The following SEC61A2 variants were observed in gnomAD, a reference collection of about 807,000 sequenced individuals.
SEC61A2 encodes SEC61 translocon subunit alpha 2.
In SEC61A2, 28 loss-of-function variants were observed where a neutral mutation model predicts 59.9. The observed-to-expected ratio is 0.47, with a 90% CI of 0.35 to 0.64. The LOEUF (loss-of-function observed/expected upper bound fraction) is 0.64, where lower values mean the gene tolerates loss of function less well. SEC61A2 is among the 30% of genes least tolerant of loss of function. SEC61A2 has a pLI of 0.01. For synonymous variants in SEC61A2, 202 were observed against 214.4 expected (o/e 0.94, Z 0.50); for missense variants, 340 against 585.9 (o/e 0.58, Z 4.33).
At chr10:12,151,010 C>CAG (rs1834259151) in intron 6 of SEC61A2, among the ~76,000 whole-genome samples, 1 of 151,728 alleles carries the variant, frequency 6.6e-6, no homozygotes, top group Non-Finnish European at 1.5e-5. Context: ...CTCCTGACCT[C>CAG]GTGATTCGCC....
chr10:12,147,939 C>CTT lies in SEC61A2; in HGVS notation c.221-1642_221-1641dup, dbSNP rs775693567. 2.6e-3 allele frequency among the ~76,000 whole-genome samples: 376 copies of CTT among 142,372 alleles called. 2 individuals carry two copies. The highest frequency in any genetic ancestry group is 8.9e-3 in the African/African-American group (348 of 39,110). The allele number at this position is 142,372 out of a possible 152,430, so 93.4% of individuals were successfully genotyped here. A position where few individuals can be genotyped will look rare whatever the true frequency, so the allele number is the denominator to read the frequency against. On this transcript the variant is annotated intron_variant, in intron 4 of 11. Coordinates refer to ENST00000298428, the MANE Select transcript of SEC61A2 (RefSeq NM_018144.4). Reference sequence around the variant, plus strand: ...CTAACTTAAGAAATCTATCTAATATCTTTTTTTTTTTTTTTGAGACAGAGT... The same window carrying CTT: ...CTAACTTAAGAAATCTATCTAATATCTTTTTTTTTTTTTTTTTGAGACAGAGT...
chr10:12,158,133 T>A lies in SEC61A2; in HGVS notation c.975+28T>A. 1 of 1,501,122 alleles carries A rather than the reference T, an allele frequency of 6.7e-7. No individual in the cohort carries two copies. The highest frequency in any genetic ancestry group is 1.2e-5 in the South Asian group (1 of 85,694). 93.0% of individuals were successfully genotyped at this position (1,501,122 alleles called of 1,614,324 possible). ...GAGTATTATGTTTATTTACATTATT[T>A]ATAGTTTATTATAATTTGCATTTCA... On this transcript the variant is annotated intron_variant, in intron 9 of 11. Coordinates refer to ENST00000298428, the MANE Select transcript of SEC61A2 (RefSeq NM_018144.4). This position sits in a 1 kb window ranked among gnomAD's most constrained non-coding sequence, Gnocchi z 5.7.
At chr10:12,141,926 A>T (rs1834032221) in intron 3 of SEC61A2, among the ~76,000 whole-genome samples, 1 of 152,198 alleles carries the variant, frequency 6.6e-6, no homozygotes, top group Non-Finnish European at 1.5e-5. Flanking sequence ...AGACAAATCC[A>T]GTTTGTCAGT....
chr10:12,138,689 G>T (rs927836617), intron 3 of SEC61A2, among the ~76,000 whole-genome samples: 2 of 152,154 alleles, frequency 1.3e-5, no homozygotes, highest in South Asian at 4.1e-4. Flanking sequence ...TGGTCGTTAC[G>T]TCAGTAACTC....
chr10:12,141,226 G>A (rs1834013069), intron 3 of SEC61A2, among the ~76,000 whole-genome samples: 1 of 152,158 alleles, frequency 6.6e-6, no homozygotes, highest in Admixed American at 6.6e-5. Flanking sequence ...AATGAAGAGT[G>A]TCTACAGCTG....
At chr10:12,167,995 C>T, downstream of SEC61A2, 1 of 1,148,958 alleles carries the variant, frequency 8.7e-7, no homozygotes, top group Non-Finnish European at 1.1e-6. Flanking sequence ...AGATTACATT[C>T]CTAGCATGAG....
At position 12,155,364 on chromosome 10, in the gene SEC61A2, GC is replaced by G. The variant is rs746237107; in HGVS notation, c.463-413del. On this transcript the variant is annotated intron_variant, in intron 6 of 11. Coordinates refer to ENST00000298428, the MANE Select transcript of SEC61A2 (RefSeq NM_018144.4). The surrounding 1 kb of genome is among the most constrained non-coding windows in gnomAD (Gnocchi z 4.3). ...TGATGGCAGTGTACATTTCCATCTT[GC>G]TATTATACCAGAATTCATCTGACTT... 9.6e-5 allele frequency: 151 copies of G among 1,574,116 alleles called. No homozygotes were observed. Among genetic ancestry groups the G allele is most frequent in the Non-Finnish European group, 1.2e-4 (137 of 1,163,330 alleles).
intron 6 of SEC61A2, among the ~76,000 whole-genome samples, chr10:12,150,918 G>T (rs1345721228): frequency 2.0e-5 from 3 of 152,178 alleles, no homozygotes; most frequent in Admixed American, 2.0e-4. Context: ...GGGCTTACAG[G>T]TGCCTGCCAC....
Position 12,129,866 on chromosome 10 carries a change from C to G in SEC61A2, c.7+72C>G, listed in dbSNP as rs946897837. 5.3e-5 allele frequency: 68 copies of G among 1,276,008 alleles called. No homozygotes were observed. In the East Asian group the frequency reaches 2.1e-3, roughly 39 times the overall value. The allele number at this position is 1,276,008 out of a possible 1,614,324, so 79.0% of individuals were successfully genotyped here. ...CCCGCCTGGGCTGCGGGCGGTGGGG[C>G]TGGCGCTCGCTCGGAGTCGTGGGGG... On this transcript the variant is annotated intron_variant, in intron 1 of 11. Transcript: ENST00000298428. This position sits in a 1 kb window ranked among gnomAD's most constrained non-coding sequence, Gnocchi z 5.6.
chr10:12,159,278 A>G (rs1299220852), intron 9 of SEC61A2, among the ~76,000 whole-genome samples: 1 of 152,110 alleles, frequency 6.6e-6, no homozygotes, highest in Non-Finnish European at 1.5e-5. Flanking sequence ...CACTCGGCCC[A>G]TAATTTTTTC....
rs1380544795 is a variant in SEC61A2 at position 12,145,302 on chromosome 10, C to G, written c.220+2107C>G. ...AATGCTACAATGAAGGCTATCACAC[C>G]GTTCTGTAACTTTTTGATAGAATGA... On this transcript the variant is annotated intron_variant, in intron 4 of 11. Coordinates refer to ENST00000298428, the MANE Select transcript of SEC61A2 (RefSeq NM_018144.4). The surrounding 1 kb of genome is among the most constrained non-coding windows in gnomAD (Gnocchi z 4.4). Among the ~76,000 whole-genome samples, 4 of 152,224 alleles carry G rather than the reference C, an allele frequency of 2.6e-5. No individual in the cohort carries two copies. In the East Asian group the frequency reaches 7.7e-4, roughly 29 times the overall value.
At chr10:12,165,748 C>T (rs1834661035), downstream of SEC61A2, 1 of 152,106 alleles carries the variant, frequency 6.6e-6, no homozygotes, top group African/African-American at 2.4e-5. Flanking sequence ...TGTTTAGTTT[C>T]TTAGGTGTGG....
At chr10:12,166,590 T>G, downstream of SEC61A2, 1 of 345,432 alleles carries the variant, frequency 2.9e-6, no homozygotes, top group South Asian at 2.3e-5. Context: ...CACTCTGATT[T>G]TATCTGGAGA....
downstream of SEC61A2, chr10:12,166,764 A>C (rs1255591703): frequency 2.0e-6 from 1 of 499,482 alleles, no homozygotes; most frequent in Admixed American, 2.2e-5. Context: ...ACACAAAAAG[A>C]GCTAAACTCA....
At position 12,160,893 on chromosome 10, in the gene SEC61A2, A is replaced by C. The variant is rs1321797009; in HGVS notation, c.976-37A>C. On this transcript the variant is annotated intron_variant, in intron 9 of 11. Transcript: ENST00000298428. The surrounding 1 kb of genome is among the most constrained non-coding windows in gnomAD (Gnocchi z 4.1). The stretch of plus-strand genomic sequence containing the variant: ...CATGCAAATGTATTCCTGACTAATT[A>C]GGTTGACCACTTGTTCTTTGTACTC... The C allele has an allele frequency of 6.5e-6, 10 of 1,548,064 alleles. No homozygotes were observed.
intron 4 of SEC61A2, among the ~76,000 whole-genome samples, chr10:12,146,729 A>G (rs923195879): frequency 5.9e-5 from 9 of 151,752 alleles, no homozygotes; most frequent in East Asian, 2.0e-4. Flanking sequence ...CATGTTAGCC[A>G]GGATGGTCTT....
chr10:12,151,238 C>T (rs1834265139), intron 6 of SEC61A2, among the ~76,000 whole-genome samples: 3 of 150,724 alleles, frequency 2.0e-5, no homozygotes, highest in Admixed American at 2.0e-4. Flanking sequence ...ATCTGGAGTC[C>T]TGATTTTCTT....
At chr10:12,166,223 C>A (rs1442792486), downstream of SEC61A2, 1 of 152,988 alleles carries the variant, frequency 6.5e-6, no homozygotes, top group Non-Finnish European at 1.5e-5. Flanking sequence ...TGTGGAAAGA[C>A]TGGGCTGCGC....
At position 12,149,965 on chromosome 10, in the gene SEC61A2, A is replaced by G; in HGVS notation, c.462+4A>G. Reference sequence around the variant, plus strand: ...CTGTCTCCTGATCATCATTCAGGTAAGAAATCCTATATTTTCCTATGCAGA... The same window carrying G: ...CTGTCTCCTGATCATCATTCAGGTAGGAAATCCTATATTTTCCTATGCAGA... On this transcript the variant is annotated splice_donor_region_variant and intron_variant, in intron 6 of 11. Transcript: ENST00000298428. This position sits in a 1 kb window ranked among gnomAD's most constrained non-coding sequence, Gnocchi z 5.2. 1.3e-6 allele frequency: 2 copies of G among 1,585,240 alleles called. No individual in the cohort carries two copies. The highest frequency in any genetic ancestry group is 1.1e-5 in the South Asian group (1 of 90,538).
Sources: allele counts gnomAD v4.1 joint callset (sites outside exome capture counted in the v4.1 genomes callset), GRCh38; gene constraint gnomAD v4.1.1; non-coding constraint Gnocchi (gnomAD v3.1); transcripts MANE v1.5; gene names NCBI Gene and HGNC (gene_info 2026-07-23, HGNC 2026-07-21).